Variants in TRIL observed in about 807,000 individuals in gnomAD.
TRIL encodes TLR4 interactor with leucine rich repeats.
A neutral mutation model predicts 43.0 loss-of-function variants in TRIL; 23 were observed. That is an observed-to-expected ratio of 0.54 (90% CI 0.39 to 0.76). The LOEUF is 0.76. Among genes scored for constraint, TRIL ranks in the 30% least tolerant of loss-of-function variants. The pLI, the probability that TRIL is intolerant of heterozygous loss-of-function variation, is 0.00. For synonymous variants in TRIL, 602 were observed against 556.8 expected (o/e 1.08, Z -1.14); for missense variants, 1,114 against 1,139.3 (o/e 0.98, Z 0.32).
rs1308084701 is a variant in TRIL at position 28,956,865 on chromosome 7, C to CG, written c.1181dup (p.Ala395GlyfsTer12). The stretch of plus-strand genomic sequence containing the variant: ...AATCCAGGTATTTGCCTCGCAGGGC[C>CG]GGGGGGTGGCGACACTGCACGAAGA... On this transcript the variant is annotated frameshift_variant, in exon 1 of 1. Transcript: ENST00000539664. LOFTEE classifies it high-confidence loss of function. The CG allele has an allele frequency of 6.2e-7, 1 of 1,607,524 alleles. No individual in the cohort carries two copies.
chr7:28,956,566 G>A lies in TRIL; in HGVS notation c.1481C>T (p.Pro494Leu), dbSNP rs1583885243. 6.4e-7 allele frequency: 1 copy of A among 1,555,526 alleles called. No individual in the cohort carries two copies. Among genetic ancestry groups the A allele is most frequent in the South Asian group, 1.2e-5 (1 of 84,494 alleles). ...CGCGGCGGCAGCGACGGAGGGGCTG[G>A]GCTGCTGGAGGCCCGGGCCCCGCCG... Reference protein sequence around the residue: ...LSRRGPGLQQPSPSVAAAAGP... With the variant: ...LSRRGPGLQQLSPSVAAAAGP... The change falls in exon 1 of 1, where the codon CCC becomes CTC. Residue 494 changes from proline (P) to leucine (L), a missense_variant. Transcript: ENST00000539664.
chr7:28,955,218 T>A lies in TRIL; in HGVS notation c.*393A>T, dbSNP rs1434210830. ...TTCCTTCCTTAAATAGAAACAAAAC[T>A]TCTCTGTTTGACACTGAGCAAACAA... is the stretch of plus-strand genomic sequence containing the variant. On this transcript the variant is annotated 3_prime_UTR_variant, in exon 1 of 1. Transcript: ENST00000539664. 1 of 206,904 alleles carries A rather than the reference T, an allele frequency of 4.8e-6. No homozygotes were observed. The highest frequency in any genetic ancestry group is 2.3e-5 in the African/African-American group (1 of 43,602). 12.8% of individuals were successfully genotyped at this position (206,904 alleles called of 1,614,324 possible).
Position 28,956,969 on chromosome 7 carries a change from C to G in TRIL, c.1078G>C (p.Gly360Arg). The part of the protein sequence containing the change: ...ALYRLDLDGN[G>R]WTCDCRLRGL... ...CGCAGCCGGCAGTCGCAGGTCCAGC[C>G]GTTGCCGTCTAGATCCAGCCGATAA... The change falls in exon 1 of 1, where the codon GGC (glycine) becomes CGC (arginine). Residue 360 changes from glycine (G) to arginine (R), a missense_variant. By Grantham distance (125) the Gly-to-Arg change is moderately radical. Transcript: ENST00000539664. 6.3e-7 allele frequency: 1 copy of G among 1,589,030 alleles called. No homozygotes were observed. Among genetic ancestry groups the G allele is most frequent in the South Asian group, 1.1e-5 (1 of 88,984 alleles).
In TRIL at chr7:28,956,782, G is replaced by T; in HGVS notation, c.1265C>A (p.Ser422Tyr). 1 of 1,610,482 alleles carries T rather than the reference G, an allele frequency of 6.2e-7. No homozygotes were observed. Among genetic ancestry groups the T allele is most frequent in the East Asian group, 2.2e-5 (1 of 44,824 alleles). Residue 422 changes from serine to tyrosine, a missense_variant, in exon 1 of 1, where the codon TCC becomes TAC. By Grantham distance (144) the Ser-to-Tyr change is moderately radical (BLOSUM62 -2). Coordinates refer to ENST00000539664, the MANE Select transcript of TRIL (RefSeq NM_014817.4). Reference sequence around the variant, plus strand: ...CTGCCGCCTGCGGTCAGCGGTCAGGGAAGCTGAGGGCGAGGGATCCGCGCA... The same window carrying T: ...CTGCCGCCTGCGGTCAGCGGTCAGGTAAGCTGAGGGCGAGGGATCCGCGCA... ...GSCADPSPSA[S>Y]LTADRRRQPL...
In TRIL at chr7:28,957,571, T is replaced by C. The variant is rs1305193715; in HGVS notation, c.476A>G (p.Lys159Arg). 1.9e-6 allele frequency: 3 copies of C among 1,612,014 alleles called. No individual in the cohort carries two copies. Among genetic ancestry groups the C allele is most frequent in the African/African-American group, 2.7e-5 (2 of 74,932 alleles). The change falls in exon 1 of 1, where the codon AAG (lysine) becomes AGG (arginine). Residue 159 changes from lysine (K) to arginine (R), a missense_variant. By Grantham distance (26) the Lys-to-Arg change is conservative (BLOSUM62 2). Coordinates refer to ENST00000539664, the MANE Select transcript of TRIL (RefSeq NM_014817.4). The part of the protein sequence containing the change: ...GSFEGLESLV[K>R]LRLDGNALGA... ...CAGGGCGTTCCCGTCCAGCCGCAGC[T>C]TGACTAGACTCTCCAGGCCCTCGAA...
chr7:28,957,521 C>A lies in TRIL; in HGVS notation c.526G>T (p.Ala176Ser). ...ALGALPDAVF[A>S]PLGNLLYLHL... The stretch of plus-strand genomic sequence containing the variant: ...AGGTAGAGCAGGTTGCCCAAGGGAG[C>A]GAAGACCGCGTCCGGCAGCGCCCCC... The change falls in exon 1 of 1, where the codon GCT becomes TCT. Residue 176 changes from alanine to serine, a missense_variant. Ala to Ser is a moderately conservative substitution (Grantham distance 99). Transcript: ENST00000539664. The A allele has an allele frequency of 6.2e-7, 1 of 1,613,128 alleles. No homozygotes were observed. Among genetic ancestry groups the A allele is most frequent in the South Asian group, 1.1e-5 (1 of 91,062 alleles).
rs756547160 is a variant in TRIL, at chr7:28,957,792, G to A, written c.255C>T (p.Leu85=). ...GGTTGTACTGCAGGTCCAGCCGTCT[G>A]AGCTGCCCCAGACGGTGGAAGTCGA... ...TAFDFHRLGQ[L]RRLDLQYNQI... The change falls in exon 1 of 1, where the codon CTC becomes CTT. Residue 85 remains leucine (L), a synonymous_variant. Transcript: ENST00000539664. 7 of 1,614,000 alleles carry A rather than the reference G, an allele frequency of 4.3e-6. No homozygotes were observed. Among genetic ancestry groups the A allele is most frequent in the Non-Finnish European group, 5.9e-6 (7 of 1,179,868 alleles).
chr7:28,954,099 C>T lies in TRIL; in HGVS notation c.*1512G>A, dbSNP rs1035690496. On this transcript the variant is annotated 3_prime_UTR_variant, in exon 1 of 1. Transcript: ENST00000539664. Reference sequence around the variant, plus strand: ...AAATCCATAACCACTGTGACCATAACCACAGTGTACATTCTCTTAGTGACT... The same window carrying T: ...AAATCCATAACCACTGTGACCATAATCACAGTGTACATTCTCTTAGTGACT... 1.3e-5 allele frequency: 2 copies of T among 152,482 alleles called. No individual in the cohort carries two copies. Among genetic ancestry groups the T allele is most frequent in the African/African-American group, 4.8e-5 (2 of 41,336 alleles). 9.4% of individuals were successfully genotyped at this position (152,482 alleles called of 1,614,324 possible).
In TRIL at chr7:28,956,847, G is replaced by A. The variant is rs1783412786; in HGVS notation, c.1200C>T (p.Tyr400=). The A allele has an allele frequency of 6.2e-7, 1 of 1,608,296 alleles. No individual in the cohort carries two copies. Among genetic ancestry groups the A allele is most frequent in the Non-Finnish European group, 8.5e-7 (1 of 1,176,480 alleles). ...CRHPPALRGK[Y]LDYLDDQQLQ... is the part of the protein sequence containing the mutation. ...GCTGCTGGTCATCCAGGTAATCCAG[G>A]TATTTGCCTCGCAGGGCCGGGGGGT... The change falls in exon 1 of 1, where the codon TAC becomes TAT. Residue 400 remains tyrosine (Y), a synonymous_variant. Transcript: ENST00000539664.
In TRIL at chr7:28,957,193, T is replaced by A; in HGVS notation, c.854A>T (p.Glu285Val). 1 of 1,600,160 alleles carries A rather than the reference T, an allele frequency of 6.2e-7. No individual in the cohort carries two copies. Among genetic ancestry groups the A allele is most frequent in the Non-Finnish European group, 8.5e-7 (1 of 1,176,802 alleles). ...TGGCAGCTGGCTCAGCCGATTACCCTCCAGGCGCAGCTCGCGCAGGGCCTC... is the reference window on the plus strand; with the variant it reads ...TGGCAGCTGGCTCAGCCGATTACCCACCAGGCGCAGCTCGCGCAGGGCCTC... ...GLEALRELRL[E>V]GNRLSQLPTA... The change falls in exon 1 of 1, where the codon GAG (glutamate) becomes GTG (valine). Residue 285 changes from glutamate (E) to valine (V), a missense_variant. Physicochemically the swap from Glu to Val is moderately radical, Grantham distance 121 (BLOSUM62 -2). Transcript: ENST00000539664.
rs370246509 is a variant in TRIL, at chr7:28,957,594, G to T, written c.453C>A (p.Phe151Leu). The change falls in exon 1 of 1, where the codon TTC (phenylalanine) becomes TTA (leucine). Residue 151 changes from phenylalanine (F) to leucine (L), a missense_variant. Transcript: ENST00000539664. Reference sequence around the variant, plus strand: ...GCTTGACTAGACTCTCCAGGCCCTCGAAGGAGCCGCGGCTTAGGCGGCTGA... The same window carrying T: ...GCTTGACTAGACTCTCCAGGCCCTCTAAGGAGCCGCGGCTTAGGCGGCTGA... ...NEISRLSRGS[F>L]EGLESLVKLR... The T allele has an allele frequency of 4.3e-6, 7 of 1,611,990 alleles. No homozygotes were observed. The African/African-American group carries it at 6.7e-5, about 15-fold the overall frequency.
Position 28,956,743 on chromosome 7 carries a change from GC to G in TRIL, c.1303del (p.Ala435ProfsTer6), listed in dbSNP as rs1262885201. 6.2e-7 allele frequency: 1 copy of G among 1,606,630 alleles called. No individual in the cohort carries two copies. Among genetic ancestry groups the G allele is most frequent in the African/African-American group, 1.3e-5 (1 of 74,976 alleles). ...ADRRRQPLPT[A>X]AGEEMTPPAG... is the part of the protein sequence containing the mutation. ...AGGTGGCGTCATCTCCTCCCCTGCGGCCGTGGGTAGGGGCTGCCGCCTGCGG... is the reference window on the plus strand; with the variant it reads ...AGGTGGCGTCATCTCCTCCCCTGCGGCGTGGGTAGGGGCTGCCGCCTGCGG... On this transcript the variant is annotated frameshift_variant, in exon 1 of 1. Coordinates refer to ENST00000539664, the MANE Select transcript of TRIL (RefSeq NM_014817.4). LOFTEE classifies it high-confidence loss of function.
Position 28,956,829 on chromosome 7 carries a change from G to A in TRIL, c.1218C>T (p.Asp406=), listed in dbSNP as rs529439033. The change falls in exon 1 of 1, where the codon GAC becomes GAT. Residue 406 remains aspartate (D), a synonymous_variant. Coordinates refer to ENST00000539664, the MANE Select transcript of TRIL (RefSeq NM_014817.4). ...CGCAGGATCCATTTTGCAGCTGCTG[G>A]TCATCCAGGTAATCCAGGTATTTGC... is the stretch of plus-strand genomic sequence containing the variant. ...LRGKYLDYLD[D]QQLQNGSCAD... The A allele has an allele frequency of 1.2e-6, 2 of 1,610,524 alleles. No individual in the cohort carries two copies. Among genetic ancestry groups the A allele is most frequent in the Non-Finnish European group, 1.7e-6 (2 of 1,178,280 alleles).
At position 28,956,080 on chromosome 7, in the gene TRIL, G is replaced by C; in HGVS notation, c.1967C>G (p.Pro656Arg). Reference sequence around the variant, plus strand: ...CACGCCCTCCACGCACACCAGGTAGGGGGTGTCCCCGCGCAGCTCGCGCAG... The same window carrying C: ...CACGCCCTCCACGCACACCAGGTAGCGGGTGTCCCCGCGCAGCTCGCGCAG... The part of the protein sequence containing the change: ...ATLRELRGDT[P>R]YLVCVEGVLG... The change falls in exon 1 of 1, where the codon CCC (proline) becomes CGC (arginine). Residue 656 changes from proline to arginine, a missense_variant. By Grantham distance (103) the Pro-to-Arg change is moderately radical. Coordinates refer to ENST00000539664, the MANE Select transcript of TRIL (RefSeq NM_014817.4). 1 of 1,554,388 alleles carries C rather than the reference G, an allele frequency of 6.4e-7. No homozygotes were observed. The highest frequency in any genetic ancestry group is 1.2e-5 in the South Asian group (1 of 84,678).
rs1783428424 is a variant in TRIL at position 28,957,655 on chromosome 7, C to T, written c.392G>A (p.Arg131His). 2 of 1,609,410 alleles carry T rather than the reference C, an allele frequency of 1.2e-6. No individual in the cohort carries two copies. The highest frequency in any genetic ancestry group is 2.2e-5 in the East Asian group (1 of 44,728). ...GTTGGCGTAGAGGATGCGCAGCTTGCGCAGCGGGGCCAGCGTGCCCGGGGC... is the reference window on the plus strand; with the variant it reads ...GTTGGCGTAGAGGATGCGCAGCTTGTGCAGCGGGGCCAGCGTGCCCGGGGC... ...ALAPGTLAPL[R>H]KLRILYANGN... is the part of the protein sequence containing the mutation. The change falls in exon 1 of 1, where the codon CGC becomes CAC. Residue 131 changes from arginine to histidine, a missense_variant. By Grantham distance (29) the Arg-to-His change is conservative. Coordinates refer to ENST00000539664, the MANE Select transcript of TRIL (RefSeq NM_014817.4).
In TRIL at chr7:28,955,945, G is replaced by A. The variant is rs1220777710; in HGVS notation, c.2102C>T (p.Ala701Val). 1 of 1,554,020 alleles carries A rather than the reference G, an allele frequency of 6.4e-7. No homozygotes were observed. Among genetic ancestry groups the A allele is most frequent in the Non-Finnish European group, 8.7e-7 (1 of 1,152,322 alleles). ...GGVDYQLLTL[A>V]LLTVNALLVL... is the part of the protein sequence containing the mutation. ...CAGCAGCGCGTTGACCGTCAGCAGG[G>A]CCAAGGTCAGCAGCTGGTAGTCGAC... Residue 701 changes from alanine (A) to valine (V), a missense_variant, in exon 1 of 1, where the codon GCC becomes GTC. Coordinates refer to ENST00000539664, the MANE Select transcript of TRIL (RefSeq NM_014817.4).
Position 28,955,176 on chromosome 7 carries a change from T to C in TRIL, c.*435A>G, listed in dbSNP as rs1562702351. The C allele has an allele frequency of 6.0e-6, 1 of 167,018 alleles. No homozygotes were observed. Among genetic ancestry groups the C allele is most frequent in the Non-Finnish European group, 1.3e-5 (1 of 78,688 alleles). 10.3% of individuals were successfully genotyped at this position (167,018 alleles called of 1,614,324 possible). A position where few individuals can be genotyped will look rare whatever the true frequency, so the allele number is the denominator to read the frequency against. ...CAGTGGAGTCCCTGGCCAAGCCTCC[T>C]TTGTAATGGTAATAAGTTCCTTCCT... is the stretch of plus-strand genomic sequence containing the variant. On this transcript the variant is annotated 3_prime_UTR_variant, in exon 1 of 1. Coordinates refer to ENST00000539664, the MANE Select transcript of TRIL (RefSeq NM_014817.4).
At position 28,958,035 on chromosome 7, in the gene TRIL, G is replaced by T; in HGVS notation, c.12C>A (p.Ala4=). 7 of 1,546,976 alleles carry T rather than the reference G, an allele frequency of 4.5e-6. No homozygotes were observed. The highest frequency in any genetic ancestry group is 6.1e-6 in the Non-Finnish European group (7 of 1,153,678). MEA[A]RALRLLLVVC... ...CCACGAGCAGGAGGCGCAAGGCGCG[G>T]GCAGCCTCCATCGCCTCCCGCCCTG... The change falls in exon 1 of 1, where the codon GCC becomes GCA. Residue 4 remains alanine (A), a synonymous_variant. Transcript: ENST00000539664.
rs768937818 is a variant in TRIL, at chr7:28,955,891, G to C, written c.2156C>G (p.Ser719Cys). 1.3e-6 allele frequency: 2 copies of C among 1,550,660 alleles called. No homozygotes were observed. The highest frequency in any genetic ancestry group is 1.7e-6 in the Non-Finnish European group (2 of 1,147,978). ...CCGCAGTTTCCTACGCAGCCAGCGA[G>C]ACGCCCAGGCCGCCAAGGCCAGGAG... is the stretch of plus-strand genomic sequence containing the variant. ...LVLLALAAWA[S>C]RWLRRKLRAR... Residue 719 changes from serine to cysteine, a missense_variant, in exon 1 of 1, where the codon TCT becomes TGT. Transcript: ENST00000539664.
Sources: gnomAD v4.1 joint callset for allele counts on GRCh38, gnomAD v4.1.1 for gene constraint, MANE v1.5 for transcripts, NCBI Gene and HGNC (gene_info 2026-07-23, HGNC 2026-07-21) for gene names.